The following IL18BP variants were observed in gnomAD, a reference collection of about 807,000 sequenced individuals.
IL18BP encodes interleukin 18 binding protein.
IL18BP carries 23 observed loss-of-function variants against 19.9 expected under a neutral mutation model. That is an observed-to-expected ratio of 1.15 (90% CI 0.83 to 1.64). The LOEUF (loss-of-function observed/expected upper bound fraction) is 1.64. IL18BP is among the 40% of genes most tolerant of loss of function. The pLI, the probability that IL18BP is intolerant of heterozygous loss-of-function variation, is 0.00. For missense variants in IL18BP, 239 were observed against 240.7 expected, an observed-to-expected ratio of 0.99 and a Z score of 0.05; for synonymous variants, 107 against 101.0, an observed-to-expected ratio of 1.06 and a Z score of -0.35.
At chr11:72,003,853 G>A (rs566967734), downstream of IL18BP, 29 of 1,606,602 alleles carry the variant, frequency 1.8e-5, no homozygotes, top group East Asian at 2.2e-4. Context: ...TGCTCTCATC[G>A]GGTTTCCCTC....
downstream of IL18BP, chr11:72,004,095 T>A (rs1590847391): frequency 6.2e-7 from 1 of 1,613,270 alleles, no homozygotes; most frequent in Admixed American, 1.7e-5. Flanking sequence ...CTGGCGCCGG[T>A]CAGCCTGCAA....
chr11:72,007,224 G>A (rs779168913), downstream of IL18BP: 27 of 1,612,032 alleles, frequency 1.7e-5, no homozygotes, highest in Middle Eastern at 1.7e-4. Flanking sequence ...TGCGTGGTGC[G>A]CCGACGAGCG....
At chr11:72,002,824 T>C (rs777929000), downstream of IL18BP, 1 of 197,724 alleles carries the variant, frequency 5.1e-6, no homozygotes, top group African/African-American at 2.3e-5. Context: ...AAAGAGCCTA[T>C]ATTCCTCTTT....
downstream of IL18BP, among the ~76,000 whole-genome samples, chr11:72,006,709 C>G (rs930952223): frequency 5.9e-5 from 9 of 152,210 alleles, no homozygotes; most frequent in Non-Finnish European, 1.2e-4. Context: ...AGAACTTCCC[C>G]AACTTCTTGG....
Position 72,000,529 on chromosome 11 carries a change from G to T in IL18BP, c.207G>T (p.Val69=), listed in dbSNP as rs774376153. Residue 69 remains valine, a synonymous_variant, in exon 3 of 6, where the codon GTG becomes GTT. Transcript: ENST00000393703. The part of the protein sequence containing the change: ...PAAKQCPALE[V]TWPEVEVPLN... ...CTAAGCAGTGTCCAGCATTGGAAGT[G>T]ACCTGGCCAGAGGTGGAAGTGCCAC... 1.2e-6 allele frequency: 2 copies of T among 1,612,600 alleles called. No individual in the cohort carries two copies. The highest frequency in any genetic ancestry group is 1.7e-6 in the Non-Finnish European group (2 of 1,180,026).
downstream of IL18BP, chr11:72,004,517 T>A: frequency 7.9e-7 from 1 of 1,261,566 alleles, no homozygotes; most frequent in Non-Finnish European, 1.1e-6. Context: ...GGTCAGGCCC[T>A]TGGAGAGAGG....
downstream of IL18BP, chr11:72,005,515 A>T (rs893424647): frequency 4.5e-5 from 31 of 695,072 alleles, no homozygotes; most frequent in Non-Finnish European, 9.6e-6. Context: ...CAGGTGCAGG[A>T]GTACGGCACA....
Position 72,001,465 on chromosome 11 carries a change from C to T in IL18BP, c.420C>T (p.Thr140=), listed in dbSNP as rs531211831. The change falls in exon 5 of 6, where the codon ACC becomes ACT. Residue 140 remains threonine (T), a synonymous_variant. Transcript: ENST00000393703. ...AGGCCTTGGTGCTGGAGCAGCTGAC[C>T]CCTGCCCTGCACAGCACCAACTTCT... The part of the protein sequence containing the change: ...LCKALVLEQL[T]PALHSTNFSC... The T allele has an allele frequency of 3.9e-5, 63 of 1,614,174 alleles. No homozygotes were observed. The South Asian group carries it at 6.3e-4, about 16-fold the overall frequency.
At chr11:72,006,806 G>A (rs1291277875), downstream of IL18BP, among the ~76,000 whole-genome samples, 2 of 152,210 alleles carry the variant, frequency 1.3e-5, no homozygotes, top group Non-Finnish European at 2.9e-5. Context: ...TTCAAGATGT[G>A]GAAACAAAGG....
downstream of IL18BP, chr11:72,007,627 C>T (rs1399988786): frequency 4.5e-6 from 3 of 664,382 alleles, no homozygotes; most frequent in African/African-American, 3.7e-5. Flanking sequence ...CCCCTGGCTT[C>T]TCCTAATAGC....
rs749402435 is a variant in IL18BP at position 72,000,510 on chromosome 11, A to C, written c.188A>C (p.Gln63Pro). 3 of 1,613,608 alleles carry C rather than the reference A, an allele frequency of 1.9e-6. No homozygotes were observed. Among genetic ancestry groups the C allele is most frequent in the Admixed American group, 1.7e-5 (1 of 60,002 alleles). Reference protein sequence around the residue: ...SQPPVFPAAKQCPALEVTWPE... With the variant: ...SQPPVFPAAKPCPALEVTWPE... ...CCCCCAGTGTTCCCAGCAGCTAAGC[A>C]GTGTCCAGCATTGGAAGTGACCTGG... The change falls in exon 3 of 6, where the codon CAG (glutamine) becomes CCG (proline). Residue 63 changes from glutamine (Q) to proline (P), a missense_variant. Physicochemically the swap from Gln to Pro is moderately conservative, Grantham distance 76. Transcript: ENST00000393703.
At chr11:72,006,953 C>G (rs1323860370), downstream of IL18BP, among the ~76,000 whole-genome samples, 1 of 152,252 alleles carries the variant, frequency 6.6e-6, no homozygotes, top group South Asian at 2.1e-4. Flanking sequence ...CTCAGTGCTA[C>G]GCATGGAGAG....
intron 1 of IL18BP, 129 bp downstream of exon 1, chr11:71,999,148 T>G (rs765178390): frequency 5.9e-6 from 3 of 511,452 alleles, no homozygotes; most frequent in Non-Finnish European, 1.2e-5. Context: ...GCTGGGGGAG[T>G]GGGTAGCCTG....
downstream of IL18BP, chr11:72,003,793 C>T (rs1014021516): frequency 1.5e-5 from 20 of 1,318,086 alleles, 1 homozygote; most frequent in African/African-American, 5.9e-5. Context: ...AGCAGCCTGG[C>T]GTGGCCCCAT....
At chr11:72,000,129 C>A in intron 2 of IL18BP, 117 bp downstream of exon 2, 1 of 1,139,878 alleles carries the variant, frequency 8.8e-7, no homozygotes, top group Non-Finnish European at 1.3e-6. Context: ...GCACCTGGTG[C>A]TGTTGCTTTA....
chr11:72,007,596 G>C (rs1955829698), downstream of IL18BP: 1 of 878,766 alleles, frequency 1.1e-6, no homozygotes, highest in Non-Finnish European at 1.8e-6. Flanking sequence ...CACTTGACCT[G>C]GGCCTTCCTT....
intron 3 of IL18BP, among the ~76,000 whole-genome samples, 197 bp downstream of exon 3, chr11:72,000,754 G>A (rs1955173174): frequency 6.6e-6 from 1 of 152,152 alleles, no homozygotes; most frequent in African/African-American, 2.4e-5. Context: ...CTATCAAATA[G>A]GACAGAGAAC....
At chr11:72,001,594 C>T (rs764505265) in intron 5 of IL18BP, 42 bp downstream of exon 5, 2 of 1,598,102 alleles carry the variant, frequency 1.3e-6, no homozygotes, top group South Asian at 1.1e-5. Flanking sequence ...AGGAGGAGCT[C>T]TGCTTCCATA....
At chr11:72,005,334 C>T (rs771966081), downstream of IL18BP, 19 of 1,608,314 alleles carry the variant, frequency 1.2e-5, no homozygotes, top group African/African-American at 2.7e-5. Context: ...TGCTCAGGCT[C>T]ATCCTGGCAA....
Sources: gnomAD v4.1 joint callset for allele counts (sites outside exome capture counted in the v4.1 genomes callset) on GRCh38, gnomAD v4.1.1 for gene constraint, MANE v1.5 for transcripts, NCBI Gene and HGNC (gene_info 2026-07-23, HGNC 2026-07-21) for gene names.